Variants in POR observed in about 807,000 individuals in gnomAD.
POR encodes NADPH--cytochrome P450 reductase.
In POR, 56 loss-of-function variants were observed where a neutral mutation model predicts 84.0. The observed-to-expected ratio is 0.67, with a 90% CI of 0.54 to 0.83. The LOEUF (loss-of-function observed/expected upper bound fraction) is 0.83. Ranked by LOEUF, POR falls within the 40% of genes least tolerant of loss-of-function variation. The pLI, the probability that POR is intolerant of heterozygous loss-of-function variation, is 0.00. For synonymous variants in POR, 414 were observed against 400.5 expected, an observed-to-expected ratio of 1.03 and a Z score of -0.40; for missense variants, 938 against 944.3, an observed-to-expected ratio of 0.99 and a Z score of 0.09.
intron 1 of POR, among the ~76,000 whole-genome samples, chr7:75,950,532 G>T (rs1554552604): frequency 1.3e-5 from 2 of 152,158 alleles, no homozygotes; most frequent in Non-Finnish European, 1.5e-5. Context: ...ACTGGTTCCA[G>T]TGGGGCCCTG....
chr7:75,930,269 A>G (rs1409370028), intron 1 of POR, among the ~76,000 whole-genome samples: 1 of 152,118 alleles, frequency 6.6e-6, no homozygotes, highest in East Asian at 1.9e-4. Context: ...TCTCTTCTGC[A>G]ATTCTGAGTG....
At chr7:75,918,294 A>G (rs1198357704) in intron 1 of POR, among the ~76,000 whole-genome samples, 1 of 152,050 alleles carries the variant, frequency 6.6e-6, no homozygotes, top group Non-Finnish European at 1.5e-5. Context: ...TGACAGAGTG[A>G]GACTCTGTCT....
chr7:75,981,066 A>G lies in POR; in HGVS notation c.535A>G (p.Lys179Glu). The change falls in exon 6 of 16, where the codon AAG becomes GAG. Residue 179 changes from lysine to glutamate, a missense_variant. Transcript: ENST00000461988. ...CACGCAGGTGTTTGGTCTTGGGAAC[A>G]AGACCTACGAGCACTTCAATGCCAT... The G allele has an allele frequency of 6.3e-7, 1 of 1,575,738 alleles. No homozygotes were observed. Among genetic ancestry groups the G allele is most frequent in the African/African-American group, 1.3e-5 (1 of 74,184 alleles).
At chr7:75,927,084 G>A (rs1338222003) in intron 1 of POR, among the ~76,000 whole-genome samples, 1 of 152,250 alleles carries the variant, frequency 6.6e-6, no homozygotes, top group Non-Finnish European at 1.5e-5. Flanking sequence ...TCTGGAGACA[G>A]TTGGTCTGGG....
rs41302348 is a variant in POR, at chr7:75,986,688, C to G, written c.*207C>G. 6.4e-3 allele frequency: 4,119 copies of G among 641,846 alleles called. 120 individuals carry two copies. The Admixed American group carries it at 0.065, about 10-fold the overall frequency. The allele number at this position is 641,846 out of a possible 1,614,324, so 39.8% of individuals were successfully genotyped here. A position where few individuals can be genotyped will look rare whatever the true frequency, so the allele number is the denominator to read the frequency against. On this transcript the variant is annotated 3_prime_UTR_variant, in exon 16 of 16. Coordinates refer to ENST00000461988, the MANE Select transcript of POR (RefSeq NM_000941.3). The stretch of plus-strand genomic sequence containing the variant: ...CCCTGGCAGCACAGCCCAGGGCCTG[C>G]ATGGGGGCACCGGGCTCCATGCCTC...
At chr7:75,980,889 C>A (rs1410859746) in intron 5 of POR, 159 bp from the exon 6 acceptor site, 16 of 1,084,254 alleles carry the variant, frequency 1.5e-5, no homozygotes, top group Non-Finnish European at 2.1e-5. Flanking sequence ...CTTCAGTGGC[C>A]CAGTGTTCCT....
intron 2 of POR, among the ~76,000 whole-genome samples, chr7:75,956,459 G>A (rs1224130784): frequency 1.3e-5 from 2 of 152,220 alleles, no homozygotes; most frequent in African/African-American, 2.4e-5. Context: ...TCAAGCTTAC[G>A]CTCTAGTGGT....
chr7:75,948,946 C>T (rs1310267122), intron 1 of POR, among the ~76,000 whole-genome samples: 1 of 152,060 alleles, frequency 6.6e-6, no homozygotes, highest in African/African-American at 2.4e-5. Context: ...GACATCTGAG[C>T]AGAAACTTAA....
chr7:75,983,989 C>T (rs1474999811), intron 10 of POR, 133 bp downstream of exon 10: 99 of 703,688 alleles, frequency 1.4e-4, no homozygotes, highest in Non-Finnish European at 7.6e-5. Flanking sequence ...CGAGACTCCA[C>T]GGTTACAGGA....
At chr7:75,934,174 TTAGA>T (rs1807561906) in intron 1 of POR, among the ~76,000 whole-genome samples, 1 of 132,426 alleles carries the variant, frequency 7.6e-6, no homozygotes, top group Admixed American at 7.8e-5. Flanking sequence ...TGTGTGTGTC[TTAGA>T]TCACTCAGTC....
chr7:75,981,850 T>C (rs1179732087), intron 7 of POR: 4 of 578,416 alleles, frequency 6.9e-6, no homozygotes, highest in Non-Finnish European at 1.2e-5. Context: ...TGTGGCTAGG[T>C]TCAACTTTGG....
rs199658898 is a variant in POR at position 75,953,982 on chromosome 7, C to T, written c.-4-7C>T. ...TGCTGACATCTGCTGTTTCTGTCTC[C>T]TAACAGTTTCATGATCAACATGGGA... On this transcript the variant is annotated splice_region_variant and splice_polypyrimidine_tract_variant and intron_variant, in intron 1 of 15. Transcript: ENST00000461988. 13 of 1,572,018 alleles carry T rather than the reference C, an allele frequency of 8.3e-6. No individual in the cohort carries two copies. In the African/African-American group the frequency reaches 1.5e-4, roughly 18 times the overall value.
intron 1 of POR, among the ~76,000 whole-genome samples, chr7:75,949,735 G>T (rs1554552505): frequency 6.6e-6 from 1 of 151,472 alleles, no homozygotes; most frequent in African/African-American, 2.4e-5. Flanking sequence ...GGCCAGGCTG[G>T]TCTCAAACGC....
At chr7:75,980,933 G>A (rs1585128876) in intron 5 of POR, 115 bp from the exon 6 acceptor site, 2 of 1,298,896 alleles carry the variant, frequency 1.5e-6, no homozygotes, top group African/African-American at 1.5e-5. Flanking sequence ...ACGGAGGCCT[G>A]CAGGTGTTGC....
At chr7:75,977,029 T>G (rs1563427404) in intron 3 of POR, among the ~76,000 whole-genome samples, 2 of 152,128 alleles carry the variant, frequency 1.3e-5, no homozygotes, top group Admixed American at 1.3e-4. Context: ...TTTTTTGTAT[T>G]TTTAGTAGAG....
chr7:75,955,283 A>G (rs1313423519), intron 2 of POR, among the ~76,000 whole-genome samples: 1 of 152,254 alleles, frequency 6.6e-6, no homozygotes, highest in Non-Finnish European at 1.5e-5. Flanking sequence ...TAAGTGAAAA[A>G]GATGGATTAG....
rs41299475 is a variant in POR at position 75,979,677 on chromosome 7, G to T, written c.366+98G>T. ...CTCAGCAGGGGGAGGCCGGCAGGGA[G>T]TGGGGTCCTGGGAAGACGTCCTCGG... On this transcript the variant is annotated intron_variant, in intron 4 of 15. Transcript: ENST00000461988. 1,662 of 1,517,302 alleles carry T rather than the reference G, an allele frequency of 1.1e-3. 15 individuals carry two copies. In the African/African-American group the frequency reaches 0.02, roughly 18 times the overall value. The allele number at this position is 1,517,302 out of a possible 1,614,324, so 94.0% of individuals were successfully genotyped here. A position where few individuals can be genotyped will look rare whatever the true frequency, so the allele number is the denominator to read the frequency against.
chr7:75,965,737 A>G (rs1243409490), intron 2 of POR, among the ~76,000 whole-genome samples: 1 of 152,136 alleles, frequency 6.6e-6, no homozygotes, highest in Non-Finnish European at 1.5e-5. Context: ...CGTGTGTGGA[A>G]CAGCACAGCA....
intron 2 of POR, among the ~76,000 whole-genome samples, chr7:75,967,356 G>C (rs570526215): frequency 7.2e-5 from 11 of 152,178 alleles, no homozygotes; most frequent in Admixed American, 2.0e-4. Context: ...ACTGCAAACG[G>C]AGCCCACCTT....
Sources: gnomAD v4.1 joint callset for allele counts (sites outside exome capture counted in the v4.1 genomes callset) on GRCh38, gnomAD v4.1.1 for gene constraint, MANE v1.5 for transcripts, NCBI Gene and HGNC (gene_info 2026-07-23, HGNC 2026-07-21) for gene names.